The following DLG2 variants were observed in gnomAD, a reference collection of about 807,000 sequenced individuals.
DLG2 encodes the protein discs large MAGUK scaffold protein 2.
In DLG2, 45 loss-of-function variants were observed where a neutral mutation model predicts 132.5. The observed-to-expected ratio is 0.34, with a 90% CI of 0.27 to 0.44. The LOEUF (loss-of-function observed/expected upper bound fraction) is 0.44. Ranked by LOEUF, DLG2 falls within the 20% of genes least tolerant of loss-of-function variation. The pLI is 1.00. For synonymous variants in DLG2, 424 were observed against 419.6 expected, an observed-to-expected ratio of 1.01 and a Z score of -0.13; for missense variants, 1,045 against 1,196.9, an observed-to-expected ratio of 0.87 and a Z score of 1.87.
At chr11:84,137,431 A>G (rs2094644248) in intron 9 of DLG2, among the ~76,000 whole-genome samples, 1 of 151,842 alleles carries the variant, frequency 6.6e-6, no homozygotes, top group Non-Finnish European at 1.5e-5. Context: ...TGACATGACC[A>G]AATTTTATGT....
At chr11:83,576,936 T>C (rs1467110792) in intron 19 of DLG2, among the ~76,000 whole-genome samples, 1 of 152,208 alleles carries the variant, frequency 6.6e-6, no homozygotes, top group East Asian at 1.9e-4. Context: ...TGATGGTTAA[T>C]ACTGAGTGTC....
chr11:83,506,834 G>C (rs568708738), intron 21 of DLG2, among the ~76,000 whole-genome samples: 1 of 152,258 alleles, frequency 6.6e-6, no homozygotes, highest in East Asian at 1.9e-4. Context: ...TTTAACCATA[G>C]ACATCTGATG....
At chr11:84,245,119 A>C (rs919685679) in intron 8 of DLG2, among the ~76,000 whole-genome samples, 1 of 152,110 alleles carries the variant, frequency 6.6e-6, no homozygotes, top group Admixed American at 6.6e-5. Flanking sequence ...TTAGACACAA[A>C]CCCATTCTCT....
In DLG2 at chr11:85,535,469, AT is replaced by A. The variant is rs143881782; in HGVS notation, c.40+63187del. Among the ~76,000 whole-genome samples the A allele has an allele frequency of 8.6e-3, 1,305 of 152,268 alleles. 13 individuals are homozygous for A. The highest frequency in any genetic ancestry group is 0.03 in the African/African-American group (1,230 of 41,542). ...ATAAACTGAATGAATGAAGAGATAT[AT>A]TTTTTAAATTCCATCATTAAAAAGT... is the stretch of plus-strand genomic sequence containing the variant. On this transcript the variant is annotated intron_variant, in intron 3 of 27. Coordinates refer to ENST00000376104, the MANE Select transcript of DLG2 (RefSeq NM_001142699.3).
intron 6 of DLG2, among the ~76,000 whole-genome samples, chr11:84,579,359 C>G (rs1457690836): frequency 3.3e-5 from 5 of 151,932 alleles, no homozygotes; most frequent in Admixed American, 3.3e-4. Flanking sequence ...TACACAGTGC[C>G]AAAAGTTTAT....
chr11:84,578,959 A>G (rs1461910067), intron 6 of DLG2, among the ~76,000 whole-genome samples: 1 of 152,132 alleles, frequency 6.6e-6, no homozygotes, highest in South Asian at 2.1e-4. Flanking sequence ...GTGATAGTGA[A>G]TAAGTCTCAT....
At chr11:84,937,833 G>C (rs2048935057) in intron 6 of DLG2, among the ~76,000 whole-genome samples, 1 of 152,154 alleles carries the variant, frequency 6.6e-6, no homozygotes, top group South Asian at 2.1e-4. Flanking sequence ...TGACATACTA[G>C]AAATATGACT....
chr11:84,092,717 G>C (rs993354666), intron 10 of DLG2, among the ~76,000 whole-genome samples: 46 of 152,206 alleles, frequency 3.0e-4, no homozygotes, highest in African/African-American at 1.1e-3. Context: ...AATGATTCCA[G>C]GGTTCCTAGA....
intron 7 of DLG2, among the ~76,000 whole-genome samples, chr11:84,486,063 T>C (rs541490944): frequency 3.9e-5 from 6 of 152,244 alleles, no homozygotes; most frequent in South Asian, 2.1e-4. Flanking sequence ...TATGCCTTTT[T>C]CCACAATCTA....
chr11:83,483,199 CAAAAG>C (rs1172609123), intron 22 of DLG2: 81 of 1,513,690 alleles, frequency 5.4e-5, no homozygotes, highest in African/African-American at 1.1e-4. Flanking sequence ...AAGCCAAACT[CAAAAG>C]GAAAGGAAAA....
chr11:85,339,308 T>C (rs2082330126), intron 3 of DLG2, among the ~76,000 whole-genome samples: 1 of 152,224 alleles, frequency 6.6e-6, no homozygotes, highest in Non-Finnish European at 1.5e-5. Flanking sequence ...GAAACCATGC[T>C]ATAATGAATA....
At chr11:85,007,888 G>T (rs939531352) in intron 6 of DLG2, among the ~76,000 whole-genome samples, 1 of 151,938 alleles carries the variant, frequency 6.6e-6, no homozygotes, top group Non-Finnish European at 1.5e-5. Context: ...TTGAAATTAT[G>T]TCTACCCTAC....
intron 3 of DLG2, among the ~76,000 whole-genome samples, chr11:85,508,863 T>C (rs2093994672): frequency 6.6e-6 from 1 of 152,048 alleles, no homozygotes. Context: ...GCAATAAACA[T>C]TTATTAACTT....
intron 16 of DLG2, among the ~76,000 whole-genome samples, chr11:83,843,379 C>T (rs761446566): frequency 1.3e-5 from 2 of 152,198 alleles, no homozygotes; most frequent in Non-Finnish European, 2.9e-5. Flanking sequence ...TCTACCCTCA[C>T]CTCCAGAAGA....
At chr11:84,875,500 GA>G (rs760545544) in intron 6 of DLG2, among the ~76,000 whole-genome samples, 210 of 137,902 alleles carry the variant, frequency 1.5e-3, no homozygotes, top group Middle Eastern at 3.7e-3. Context: ...TTTCCTGGTG[GA>G]AAAAAAAAAA....
chr11:85,583,560 T>C (rs1314615684), intron 3 of DLG2, among the ~76,000 whole-genome samples: 1 of 152,082 alleles, frequency 6.6e-6, no homozygotes, highest in Admixed American at 6.6e-5. Context: ...GTCTAAGAAG[T>C]TCTGTGGCTT....
At chr11:84,894,914 C>T (rs1199057265) in intron 6 of DLG2, among the ~76,000 whole-genome samples, 1 of 152,164 alleles carries the variant, frequency 6.6e-6, no homozygotes, top group East Asian at 1.9e-4. Flanking sequence ...CAGCTTAGTC[C>T]TGCTAGTGCC....
chr11:84,356,617 TA>T (rs2098613685), intron 7 of DLG2, among the ~76,000 whole-genome samples: 1 of 152,058 alleles, frequency 6.6e-6, no homozygotes, highest in Non-Finnish European at 1.5e-5. Flanking sequence ...TTAAATGAGT[TA>T]AAATATATAA....
chr11:84,663,165 C>G (rs2099696405), intron 6 of DLG2, among the ~76,000 whole-genome samples: 1 of 151,934 alleles, frequency 6.6e-6, no homozygotes, highest in Admixed American at 6.6e-5. Flanking sequence ...TTCTGTATTA[C>G]ATTTTCTCCA....
Sources: gnomAD v4.1 joint callset for allele counts (sites outside exome capture counted in the v4.1 genomes callset) on GRCh38, gnomAD v4.1.1 for gene constraint, MANE v1.5 for transcripts, NCBI Gene and HGNC (gene_info 2026-07-23, HGNC 2026-07-21) for gene names.